SGCZ: variants seen among roughly 807,000 people sequenced by gnomAD.
SGCZ encodes the protein sarcoglycan zeta, also known as zeta-sarcoglycan.
SGCZ carries 40 observed loss-of-function variants against 41.3 expected under a neutral mutation model. The ratio of observed to expected loss-of-function variants is 0.97; its 90% CI spans 0.75 to 1.26. The LOEUF is 1.26. Ranked by LOEUF, SGCZ falls within the 50% of genes most tolerant of loss-of-function variation. SGCZ has a pLI of 0.00. For synonymous variants in SGCZ, 206 were observed against 137.5 expected, an observed-to-expected ratio of 1.50 and a Z score of -3.49; for missense variants, 552 against 369.8, an observed-to-expected ratio of 1.49 and a Z score of -4.04.
intron 1 of SGCZ, among the ~76,000 whole-genome samples, chr8:14,880,524 T>G (rs1804547812): frequency 6.6e-6 from 1 of 152,192 alleles, no homozygotes; most frequent in African/African-American, 2.4e-5. Flanking sequence ...TGCGGCACTA[T>G]TCACAATAGC....
chr8:14,814,856 C>T (rs1015790474), intron 1 of SGCZ, among the ~76,000 whole-genome samples: 77 of 152,062 alleles, frequency 5.1e-4, no homozygotes, highest in African/African-American at 1.6e-3. Flanking sequence ...GCAATGTGTC[C>T]GTATAACAGA....
chr8:14,966,084 C>T (rs1310242019), intron 1 of SGCZ, among the ~76,000 whole-genome samples: 1 of 151,762 alleles, frequency 6.6e-6, no homozygotes, highest in Non-Finnish European at 1.5e-5. Flanking sequence ...AAAAACTGAA[C>T]ATGAAGAGAC....
intron 1 of SGCZ, among the ~76,000 whole-genome samples, chr8:15,142,157 T>C (rs1798907190): frequency 6.6e-6 from 1 of 152,170 alleles, no homozygotes; most frequent in Non-Finnish European, 1.5e-5. Flanking sequence ...GATGATTCTT[T>C]TCATAAAATG....
intron 1 of SGCZ, among the ~76,000 whole-genome samples, chr8:14,962,971 G>T (rs1464047992): frequency 1.3e-5 from 2 of 152,086 alleles, no homozygotes; most frequent in Non-Finnish European, 1.5e-5. Flanking sequence ...TCTCCTCAGG[G>T]TTTACTTTAG....
chr8:14,525,548 T>A (rs1449425946), intron 2 of SGCZ, among the ~76,000 whole-genome samples: 2 of 152,170 alleles, frequency 1.3e-5, no homozygotes, highest in East Asian at 3.9e-4. Flanking sequence ...AGAAAGATTA[T>A]ATATTTCTCA....
At chr8:14,126,187 A>G (rs1802853413) in intron 5 of SGCZ, among the ~76,000 whole-genome samples, 1 of 152,228 alleles carries the variant, frequency 6.6e-6, no homozygotes, top group Non-Finnish European at 1.5e-5. Flanking sequence ...ATCAGAGTGA[A>G]CAGGCAACCT....
chr8:14,985,833 G>C (rs1437430407), intron 1 of SGCZ, among the ~76,000 whole-genome samples: 1 of 152,166 alleles, frequency 6.6e-6, no homozygotes, highest in Non-Finnish European at 1.5e-5. Flanking sequence ...TAGGATTTTA[G>C]AAACAATAAA....
intron 2 of SGCZ, among the ~76,000 whole-genome samples, chr8:14,502,214 A>G (rs1246293449): frequency 3.3e-5 from 5 of 152,090 alleles, no homozygotes; most frequent in African/African-American, 1.2e-4. Flanking sequence ...ATTTCAAATA[A>G]TTAAGCGGCA....
chr8:15,113,346 C>T (rs1563133101), intron 1 of SGCZ, among the ~76,000 whole-genome samples: 1 of 152,084 alleles, frequency 6.6e-6, no homozygotes, highest in African/African-American at 2.4e-5. Flanking sequence ...GTTCTCTATT[C>T]ATCTATAAAT....
chr8:15,087,172 G>C (rs1269163411), intron 1 of SGCZ, among the ~76,000 whole-genome samples: 1 of 151,976 alleles, frequency 6.6e-6, no homozygotes, highest in Non-Finnish European at 1.5e-5. Flanking sequence ...AGAGATTAAA[G>C]GTACCCAACA....
chr8:14,346,437 T>A (rs1012475130), intron 2 of SGCZ, among the ~76,000 whole-genome samples: 2 of 152,008 alleles, frequency 1.3e-5, no homozygotes, highest in African/African-American at 4.8e-5. Flanking sequence ...AATTCTGACA[T>A]AATAAAATGG....
intron 2 of SGCZ, among the ~76,000 whole-genome samples, chr8:14,447,607 C>G (rs531716288): frequency 8.5e-5 from 13 of 152,066 alleles, no homozygotes; most frequent in Non-Finnish European, 1.3e-4. Flanking sequence ...CTTTAAACTC[C>G]CCATAACCTA....
intron 1 of SGCZ, among the ~76,000 whole-genome samples, chr8:14,724,692 T>C (rs55841724): frequency 0.069 from 10,357 of 149,700 alleles, 776 homozygotes; most frequent in African/African-American, 0.2. Context: ...CTAAGTGATA[T>C]ATATATATGC....
chr8:15,050,080 T>G (rs1019931359), intron 1 of SGCZ, among the ~76,000 whole-genome samples: 2 of 152,096 alleles, frequency 1.3e-5, no homozygotes, highest in African/African-American at 2.4e-5. Context: ...GGGGAGAATG[T>G]AGGCACACAC....
intron 1 of SGCZ, among the ~76,000 whole-genome samples, chr8:14,557,188 T>C (rs1258681727): frequency 6.6e-6 from 1 of 152,068 alleles, no homozygotes; most frequent in Non-Finnish European, 1.5e-5. Flanking sequence ...TCATTTGTGA[T>C]GTTAAGCATT....
chr8:14,487,497 T>C (rs1193503946), intron 2 of SGCZ, among the ~76,000 whole-genome samples: 1 of 152,244 alleles, frequency 6.6e-6, no homozygotes, highest in Non-Finnish European at 1.5e-5. Flanking sequence ...TGCTATACTG[T>C]TCCTTCCAGA....
intron 1 of SGCZ, among the ~76,000 whole-genome samples, chr8:14,837,389 A>G (rs1018119575): frequency 2.6e-5 from 4 of 152,222 alleles, no homozygotes; most frequent in African/African-American, 9.6e-5. Flanking sequence ...AAGGAATCGT[A>G]TAATTAAACG....
At chr8:14,768,697 A>G (rs1265850866) in intron 1 of SGCZ, among the ~76,000 whole-genome samples, 2 of 152,076 alleles carry the variant, frequency 1.3e-5, no homozygotes, top group Admixed American at 6.5e-5. Context: ...ATGCGGGAGT[A>G]TGATTCACTA....
chr8:15,177,708 C>G (rs1031380702), intron 1 of SGCZ, among the ~76,000 whole-genome samples: 1 of 152,104 alleles, frequency 6.6e-6, no homozygotes, highest in Non-Finnish European at 1.5e-5. Context: ...TAAGGTCTAA[C>G]AGAATGTATC....
Sources: allele counts gnomAD v4.1 joint callset (sites outside exome capture counted in the v4.1 genomes callset), GRCh38; gene constraint gnomAD v4.1.1; transcripts MANE v1.5; gene names NCBI Gene and HGNC (gene_info 2026-07-23, HGNC 2026-07-21).